TAFA5: variants seen among roughly 807,000 people sequenced by gnomAD.
TAFA5 encodes TAFA chemokine like family member 5.
Under a neutral mutation model 15.3 loss-of-function variants are expected in TAFA5, and 6 were observed. That is an observed-to-expected ratio of 0.39 (90% confidence interval 0.21 to 0.77). TAFA5 has a LOEUF of 0.77. Ranked by LOEUF, TAFA5 falls within the 30% of genes least tolerant of loss-of-function variation. TAFA5 has a pLI of 0.41. For missense variants in TAFA5, 161 were observed against 193.1 expected (o/e 0.83, Z 0.98); for synonymous variants, 103 against 80.7 (o/e 1.28, Z -1.48).
intron 1 of TAFA5, among the ~76,000 whole-genome samples, chr22:48,619,509 C>T (rs192504266): frequency 1.1e-4 from 16 of 152,344 alleles, no homozygotes; most frequent in Non-Finnish European, 2.1e-4. Flanking sequence ...GTGCCCACCA[C>T]CACACCCAGC....
intron 3 of TAFA5, among the ~76,000 whole-genome samples, chr22:48,744,878 G>A (rs1930282443): frequency 6.6e-6 from 1 of 152,092 alleles, no homozygotes. Flanking sequence ...TCCTGCCTCA[G>A]CCTCCCGAGT....
intron 2 of TAFA5, among the ~76,000 whole-genome samples, chr22:48,688,005 GTT>G (rs130109): frequency 2.7e-5 from 4 of 149,176 alleles, no homozygotes; most frequent in East Asian, 2.0e-4. Flanking sequence ...TGATTAGAGG[GTT>G]TTTTTTTTTC....
chr22:48,610,305 C>T lies in TAFA5; in HGVS notation c.113-36292C>T, dbSNP rs191286277. 1.4e-4 allele frequency among the ~76,000 whole-genome samples: 22 copies of T among 152,334 alleles called. No individual in the cohort carries two copies. In the East Asian group the frequency reaches 3.7e-3, roughly 25 times the overall value. ...AATGGGTTCAGTCTTGCCCGTTGCT[C>T]GTGATTCTTTCTGTTTATGGAGCTG... On this transcript the variant is annotated intron_variant, in intron 1 of 3. Coordinates refer to ENST00000402357, the MANE Select transcript of TAFA5 (RefSeq NM_001082967.3).
chr22:48,661,871 G>T (rs1927452463), intron 2 of TAFA5, among the ~76,000 whole-genome samples: 1 of 152,024 alleles, frequency 6.6e-6, no homozygotes, highest in Non-Finnish European at 1.5e-5. Flanking sequence ...TGGTGACTGG[G>T]GGCTCATTGG....
chr22:48,544,394 C>T (rs866882327), intron 1 of TAFA5: 6 of 343,708 alleles, frequency 1.7e-5, no homozygotes, highest in Admixed American at 7.6e-5. Context: ...GGCTCTGTCC[C>T]CACTCCACGG....
intron 1 of TAFA5, among the ~76,000 whole-genome samples, chr22:48,567,465 A>G (rs1923444890): frequency 1.3e-5 from 2 of 152,210 alleles, no homozygotes; most frequent in South Asian, 4.1e-4. Context: ...CAGAGAAAAG[A>G]TAAGAATTTC....
chr22:48,520,120 G>T (rs969043842), intron 1 of TAFA5, among the ~76,000 whole-genome samples: 8 of 152,220 alleles, frequency 5.3e-5, no homozygotes, highest in African/African-American at 1.9e-4. Flanking sequence ...CCGAGGAGCC[G>T]CTGGGTGGCC....
intron 1 of TAFA5, among the ~76,000 whole-genome samples, chr22:48,510,121 A>G (rs1921158990): frequency 6.6e-6 from 1 of 152,206 alleles, no homozygotes; most frequent in Admixed American, 6.5e-5. Context: ...GCTTCGGGAC[A>G]TTGGTCTGCA....
At chr22:48,537,800 C>T (rs1057204417) in intron 1 of TAFA5, among the ~76,000 whole-genome samples, 13 of 152,224 alleles carry the variant, frequency 8.5e-5, no homozygotes, top group Admixed American at 2.6e-4. Context: ...AGGCTCCTGC[C>T]GGAGTGAAGA....
chr22:48,656,487 A>G (rs1032427619), intron 2 of TAFA5, among the ~76,000 whole-genome samples: 1 of 151,722 alleles, frequency 6.6e-6, no homozygotes, highest in East Asian at 2.0e-4. Context: ...GCCTGGTGAC[A>G]GAGCGAGACT....
chr22:48,700,674 C>T lies in TAFA5; in HGVS notation c.263-7043C>T, dbSNP rs973212251. Among the ~76,000 whole-genome samples, 28 of 152,140 alleles carry T rather than the reference C, an allele frequency of 1.8e-4. 1 individual carries two copies. Among genetic ancestry groups the T allele is most frequent in the Admixed American group, 1.2e-3 (18 of 15,282 alleles). ...GTTTGCCTGTGGGCACCTGTGTGCA[C>T]GCACTCCAGGGGCAGGGCTCGTCCT... On this transcript the variant is annotated intron_variant, in intron 2 of 3. Transcript: ENST00000402357.
chr22:48,551,189 G>T (rs1922842836), intron 1 of TAFA5, among the ~76,000 whole-genome samples: 1 of 152,074 alleles, frequency 6.6e-6, no homozygotes, highest in Admixed American at 6.5e-5. Flanking sequence ...AGACCCCTCA[G>T]CCTGGGCTCC....
intron 1 of TAFA5, chr22:48,576,607 G>A: frequency 7.4e-7 from 1 of 1,359,694 alleles, no homozygotes; most frequent in Non-Finnish European, 9.6e-7. Context: ...GGTCCTCCGC[G>A]CTCTGCCCGG....
chr22:48,701,868 G>C (rs56751164), intron 2 of TAFA5, among the ~76,000 whole-genome samples: 1 of 152,232 alleles, frequency 6.6e-6, no homozygotes, highest in African/African-American at 2.4e-5. Context: ...CCCTCCTGGA[G>C]CCCAAGGTTT....
At chr22:48,643,885 G>C (rs1323199977) in intron 1 of TAFA5, among the ~76,000 whole-genome samples, 1 of 152,228 alleles carries the variant, frequency 6.6e-6, no homozygotes, top group Admixed American at 6.5e-5. Context: ...GCCTGGAATA[G>C]TGGAGTGGCC....
chr22:48,608,973 G>A (rs1048427263), intron 1 of TAFA5, among the ~76,000 whole-genome samples: 2 of 152,238 alleles, frequency 1.3e-5, no homozygotes, highest in Non-Finnish European at 2.9e-5. Flanking sequence ...CATTCCTGAG[G>A]AGTGGCGTGG....
intron 2 of TAFA5, among the ~76,000 whole-genome samples, chr22:48,678,152 T>C (rs537592323): frequency 6.6e-6 from 1 of 152,332 alleles, no homozygotes; most frequent in South Asian, 2.1e-4. Flanking sequence ...GAATTCTCTT[T>C]CCTGGGGCGG....
chr22:48,726,675 C>A (rs1929725423), intron 3 of TAFA5, among the ~76,000 whole-genome samples: 1 of 151,298 alleles, frequency 6.6e-6, no homozygotes, highest in South Asian at 2.1e-4. Context: ...ACTTTACATA[C>A]AGAAACAATC....
intron 1 of TAFA5, among the ~76,000 whole-genome samples, chr22:48,615,165 C>T (rs1022299182): frequency 2.6e-5 from 4 of 152,134 alleles, no homozygotes; most frequent in Non-Finnish European, 2.9e-5. Flanking sequence ...GGAGGGTGGA[C>T]AGGTATGTGT....
Sources: allele counts gnomAD v4.1 joint callset (sites outside exome capture counted in the v4.1 genomes callset), GRCh38; gene constraint gnomAD v4.1.1; transcripts MANE v1.5; gene names NCBI Gene and HGNC (gene_info 2026-07-23, HGNC 2026-07-21).